Variants in ZFHX3 observed in about 807,000 individuals in gnomAD.
ZFHX3 encodes the protein zinc finger homeobox protein 3.
In ZFHX3, 42 loss-of-function variants were observed where a neutral mutation model predicts 279.1. The ratio of observed to expected loss-of-function variants is 0.15; its 90% confidence interval spans 0.12 to 0.19. ZFHX3 has a LOEUF of 0.19. Among genes scored for constraint, ZFHX3 ranks in the 10% least tolerant of loss-of-function variants. The probability of loss-of-function intolerance (pLI) is 1.00; values close to 1 mark genes in which losing one functional copy is unlikely to be tolerated. For missense variants in ZFHX3, 4,981 were observed against 4,754.0 expected (o/e 1.05, Z -1.40); for synonymous variants, 2,293 against 1,957.8 (o/e 1.17, Z -4.52).
At chr16:73,493,277 T>A (rs1237838709) in intron 2 of ZFHX3, among the ~76,000 whole-genome samples, 2 of 152,188 alleles carry the variant, frequency 1.3e-5, no homozygotes. Context: ...TACACACATA[T>A]ATGCACACAG....
intron 7 of ZFHX3, among the ~76,000 whole-genome samples, chr16:73,096,004 C>G (rs1156252530): frequency 6.6e-6 from 1 of 152,130 alleles, no homozygotes; most frequent in Non-Finnish European, 1.5e-5. Context: ...AAACAGTTAA[C>G]AAGCTTCTGG....
At position 72,958,527 on chromosome 16, in the gene ZFHX3, A is replaced by T; in HGVS notation, c.1619T>A (p.Leu540His). ...AGCTGTGCCCCTCGACAGGGTCTGG[A>T]GCACGTTAGGCATTAAGGGGGAGTT... ...ISNSPLMPNV[L>H]QTLSRGTAST... Residue 540 changes from leucine (L) to histidine (H), a missense_variant, in exon 2 of 10, where the codon CTC becomes CAC. This residue lies in a region of ZFHX3 where 1,068 missense variants were observed against 935.2 expected (regional missense o/e 1.14). Coordinates refer to ENST00000268489, the MANE Select transcript of ZFHX3 (RefSeq NM_006885.4). 6.2e-7 allele frequency: 1 copy of T among 1,614,090 alleles called. No individual in the cohort carries two copies. Among genetic ancestry groups the T allele is most frequent in the South Asian group, 1.1e-5 (1 of 91,076 alleles).
intron 3 of ZFHX3, among the ~76,000 whole-genome samples, chr16:72,932,206 A>T (rs950362883): frequency 6.6e-6 from 1 of 152,196 alleles, no homozygotes; most frequent in Non-Finnish European, 1.5e-5. Context: ...TGATGCTTGC[A>T]GGAAGTCCTA....
chr16:73,573,344 G>A (rs1370249868), intron 2 of ZFHX3, among the ~76,000 whole-genome samples: 1 of 152,148 alleles, frequency 6.6e-6, no homozygotes, highest in Non-Finnish European at 1.5e-5. Flanking sequence ...TCTTGGTGAT[G>A]GTCAAATGTC....
At chr16:72,870,023 T>A (rs967005497) in intron 4 of ZFHX3, among the ~76,000 whole-genome samples, 1 of 152,070 alleles carries the variant, frequency 6.6e-6, no homozygotes, top group East Asian at 1.9e-4. Context: ...ATGAACCCAG[T>A]TGAAGGATAC....
At chr16:73,086,793 C>G (rs911974736) in intron 8 of ZFHX3, among the ~76,000 whole-genome samples, 1 of 152,064 alleles carries the variant, frequency 6.6e-6, no homozygotes, top group African/African-American at 2.4e-5. Context: ...CTCTCAGCTA[C>G]TCGGGAGGCT....
intron 2 of ZFHX3, among the ~76,000 whole-genome samples, chr16:73,616,347 C>T (rs1369841133): frequency 2.0e-5 from 3 of 146,912 alleles, no homozygotes; most frequent in African/African-American, 7.6e-5. Context: ...CTATGATTGG[C>T]TGAAGTCTGT....
intron 2 of ZFHX3, among the ~76,000 whole-genome samples, chr16:73,676,367 A>C (rs1225094276): frequency 6.6e-6 from 1 of 151,268 alleles, no homozygotes; most frequent in Non-Finnish European, 1.5e-5. Context: ...GGAGATGAGA[A>C]GTATGCTAAA....
intron 8 of ZFHX3, among the ~76,000 whole-genome samples, chr16:73,080,409 G>A (rs1965929990): frequency 6.6e-6 from 1 of 152,194 alleles, no homozygotes; most frequent in Non-Finnish European, 1.5e-5. Context: ...AGAAATAAAT[G>A]TCTGTTGATT....
chr16:73,706,189 G>C (rs1259782097), intron 1 of ZFHX3, among the ~76,000 whole-genome samples: 1 of 151,898 alleles, frequency 6.6e-6, no homozygotes. Flanking sequence ...TGTTGGGTGT[G>C]GATGCTCACA....
chr16:73,771,556 G>C (rs1368215981), intron 1 of ZFHX3, among the ~76,000 whole-genome samples: 2 of 152,130 alleles, frequency 1.3e-5, no homozygotes, highest in Non-Finnish European at 2.9e-5. Context: ...CTTCCTCTGA[G>C]GCTGCTGCAC....
chr16:73,784,023 T>C (rs1382944325), intron 1 of ZFHX3, among the ~76,000 whole-genome samples: 1 of 152,042 alleles, frequency 6.6e-6, no homozygotes, highest in Non-Finnish European at 1.5e-5. Flanking sequence ...AAGGATGTTC[T>C]CTAGATGGGA....
intron 2 of ZFHX3, among the ~76,000 whole-genome samples, chr16:73,590,832 G>A (rs1168444074): frequency 6.6e-6 from 1 of 152,142 alleles, no homozygotes; most frequent in Non-Finnish European, 1.5e-5. Flanking sequence ...TGGCTATAAT[G>A]TCACAACAAG....
chr16:72,786,484 A>G lies in ZFHX3; in HGVS notation c.*680T>C, dbSNP rs891974838. On this transcript the variant is annotated 3_prime_UTR_variant, in exon 10 of 10. Transcript: ENST00000268489. Reference sequence around the variant, plus strand: ...TGAAATTGGCTTCAGCAGAAAAGCTATCCTTAAAAATCCCCAGAAAGCTAA... The same window carrying G: ...TGAAATTGGCTTCAGCAGAAAAGCTGTCCTTAAAAATCCCCAGAAAGCTAA... 1.3e-5 allele frequency: 2 copies of G among 149,376 alleles called. No individual in the cohort carries two copies. The highest frequency in any genetic ancestry group is 3.0e-5 in the Non-Finnish European group (2 of 67,604). 9.3% of individuals were successfully genotyped at this position (149,376 alleles called of 1,614,324 possible).
chr16:73,244,302 C>A (rs887141307), intron 5 of ZFHX3, among the ~76,000 whole-genome samples: 1 of 152,000 alleles, frequency 6.6e-6, no homozygotes, highest in East Asian at 1.9e-4. Context: ...AAGGGGTGGG[C>A]GGATTTGGGG....
At chr16:73,519,174 T>C (rs184692978) in intron 2 of ZFHX3, among the ~76,000 whole-genome samples, 1 of 152,286 alleles carries the variant, frequency 6.6e-6, no homozygotes, top group African/African-American at 2.4e-5. Context: ...CCAGTATTTC[T>C]AATTGATGGT....
At chr16:73,764,807 A>G (rs911712249) in intron 1 of ZFHX3, among the ~76,000 whole-genome samples, 2 of 152,210 alleles carry the variant, frequency 1.3e-5, no homozygotes, top group African/African-American at 4.8e-5. Context: ...TATGAGCCTA[A>G]GCCACCCTGC....
chr16:73,494,563 CTGTT>C (rs1242203122), intron 2 of ZFHX3, among the ~76,000 whole-genome samples: 5 of 151,974 alleles, frequency 3.3e-5, no homozygotes, highest in South Asian at 2.1e-4. Flanking sequence ...ACTATGGTGT[CTGTT>C]TGTTTGTTTT....
At chr16:73,534,267 G>A (rs557098769) in intron 2 of ZFHX3, among the ~76,000 whole-genome samples, 28 of 151,980 alleles carry the variant, frequency 1.8e-4, no homozygotes, top group Non-Finnish European at 2.2e-4. Context: ...TCTCTCCCTG[G>A]AATGCTCTTC....
Sources: gnomAD v4.1 joint callset for allele counts (sites outside exome capture counted in the v4.1 genomes callset) on GRCh38, gnomAD v4.1.1 for gene constraint, gnomAD v4.1.1 regional missense constraint, MANE v1.5 for transcripts, NCBI Gene and HGNC (gene_info 2026-07-23, HGNC 2026-07-21) for gene names.